ABCA9: variants seen among roughly 807,000 people sequenced by gnomAD.
ABCA9 encodes ATP-binding cassette sub-family A member 9.
Under a neutral mutation model 205.3 loss-of-function variants are expected in ABCA9, and 183 were observed. The observed-to-expected ratio is 0.89, with a 90% CI of 0.79 to 1.01. ABCA9 has a LOEUF of 1.01. Among genes scored for constraint, ABCA9 ranks in the 50% least tolerant of loss-of-function variants. The pLI is 0.00. For synonymous variants in ABCA9, 651 were observed against 683.3 expected, an observed-to-expected ratio of 0.95 and a Z score of 0.74; for missense variants, 1,805 against 1,912.4, an observed-to-expected ratio of 0.94 and a Z score of 1.05.
chr17:69,021,444 C>T (rs1361095690), intron 18 of ABCA9, among the ~76,000 whole-genome samples: 1 of 152,054 alleles, frequency 6.6e-6, no homozygotes, highest in Non-Finnish European at 1.5e-5. Flanking sequence ...TTTCTGTGAA[C>T]TCTAATTTTC....
chr17:69,030,932 G>A (rs1168086216), intron 10 of ABCA9, among the ~76,000 whole-genome samples: 1 of 152,070 alleles, frequency 6.6e-6, no homozygotes, highest in Non-Finnish European at 1.5e-5. Flanking sequence ...TCACCTCTGG[G>A]ATAGAATGGT....
At chr17:69,020,674 T>C in intron 18 of ABCA9, 88 bp from the exon 19 acceptor site, 1 of 1,231,010 alleles carries the variant, frequency 8.1e-7, no homozygotes, top group Non-Finnish European at 1.1e-6. Context: ...TACAAAGGTG[T>C]CAAAGTTACC....
chr17:69,021,734 T>C lies in ABCA9; in HGVS notation c.2401+8A>G, dbSNP rs2070816661. 9.2e-6 allele frequency: 14 copies of C among 1,528,302 alleles called. No individual in the cohort carries two copies. The highest frequency in any genetic ancestry group is 1.2e-5 in the Non-Finnish European group (14 of 1,124,056). The allele number at this position is 1,528,302 out of a possible 1,614,324, so 94.7% of individuals were successfully genotyped here. A position where few individuals can be genotyped will look rare whatever the true frequency, so the allele number is the denominator to read the frequency against. On this transcript the variant is annotated splice_region_variant and intron_variant, in intron 18 of 38. Transcript: ENST00000340001. Reference sequence around the variant, plus strand: ...CTCCCTTTCTTTCTCTTTCTTATTTTTTCTTACCTGATTCATCAATAGTTG... The same window carrying C: ...CTCCCTTTCTTTCTCTTTCTTATTTCTTCTTACCTGATTCATCAATAGTTG...
chr17:69,013,649 T>G (rs929873200), intron 22 of ABCA9, among the ~76,000 whole-genome samples: 16 of 152,058 alleles, frequency 1.1e-4, no homozygotes, highest in African/African-American at 1.4e-4. Context: ...CAGTCAGAGT[T>G]TGATGTGACT....
At position 69,007,867 on chromosome 17, in the gene ABCA9, C is replaced by T; in HGVS notation, c.3327G>A (p.Leu1109=). 1.3e-6 allele frequency: 2 copies of T among 1,586,882 alleles called. No homozygotes were observed. The highest frequency in any genetic ancestry group is 1.7e-6 in the Non-Finnish European group (2 of 1,158,064). Residue 1109 remains leucine, a synonymous_variant, in exon 25 of 39, where the codon CTG becomes CTA. Transcript: ENST00000340001. Reference sequence around the variant, plus strand: ...GAGATGAGACATAGCCAATACTACACAGGATCTGAAAACAGAAATGTTAAG... The same window carrying T: ...GAGATGAGACATAGCCAATACTACATAGGATCTGAAAACAGAAATGTTAAG... ...FIIQNLLIQI[L]CSIGYVSSLV...
chr17:69,076,467 T>C, the ABCA9 span, among the ~76,000 whole-genome samples: 1 of 152,122 alleles, frequency 6.6e-6, no homozygotes, highest in Admixed American at 6.5e-5. Context: ...GGGATATTGT[T>C]CTGTAGTTTT....
In ABCA9 at chr17:68,998,634, G is replaced by A. The variant is rs144640731; in HGVS notation, c.3436-2620C>T. 4.4e-3 allele frequency among the ~76,000 whole-genome samples: 663 copies of A among 151,970 alleles called. 7 individuals carry two copies. Among genetic ancestry groups the A allele is most frequent in the African/African-American group, 0.015 (635 of 41,488 alleles). The stretch of plus-strand genomic sequence containing the variant: ...TATACATATGTGTAACAATGGATTT[G>A]CTACATAAAAAATATTAATTATTCT... On this transcript the variant is annotated intron_variant, in intron 25 of 38. Coordinates refer to ENST00000340001, the MANE Select transcript of ABCA9 (RefSeq NM_080283.4).
Position 69,032,407 on chromosome 17 carries a change from T to A in ABCA9, c.1277-131A>T, listed in dbSNP as rs2071183390. 2.2e-5 allele frequency: 18 copies of A among 800,374 alleles called. 1 individual carries two copies. In the South Asian group the frequency reaches 3.8e-4, roughly 17 times the overall value. The allele number at this position is 800,374 out of a possible 1,614,324, so 49.6% of individuals were successfully genotyped here. On this transcript the variant is annotated intron_variant, in intron 9 of 38. Transcript: ENST00000340001. ...ATATTAAGGTCTGTATTAATTACTG[T>A]TTTAATGTGCTTTTGACACACACAG...
intron 26 of ABCA9, among the ~76,000 whole-genome samples, chr17:68,993,399 C>A (rs2069518579): frequency 6.6e-6 from 1 of 152,230 alleles, no homozygotes; most frequent in Non-Finnish European, 1.5e-5. Flanking sequence ...ACCCTCTCCC[C>A]TAACCTTACC....
Sources: gnomAD v4.1 joint callset for allele counts (sites outside exome capture counted in the v4.1 genomes callset) on GRCh38, gnomAD v4.1.1 for gene constraint, MANE v1.5 for transcripts, NCBI Gene and HGNC (gene_info 2026-07-23, HGNC 2026-07-21) for gene names.